The following PRCP variants were observed in gnomAD, a reference collection of about 807,000 sequenced individuals.
PRCP encodes lysosomal Pro-X carboxypeptidase.
PRCP carries 46 observed loss-of-function variants against 54.2 expected under a neutral mutation model. The observed-to-expected ratio is 0.85, with a 90% confidence interval of 0.67 to 1.09. PRCP has a LOEUF of 1.09. Ranked by LOEUF, PRCP falls within the 50% of genes least tolerant of loss-of-function variation. PRCP has a pLI of 0.00. For missense variants in PRCP, 613 were observed against 596.8 expected, an observed-to-expected ratio of 1.03 and a Z score of -0.28; for synonymous variants, 240 against 212.2, an observed-to-expected ratio of 1.13 and a Z score of -1.14.
At chr11:82,878,033 T>G (rs572661155) in intron 1 of PRCP, among the ~76,000 whole-genome samples, 3 of 152,318 alleles carry the variant, frequency 2.0e-5, no homozygotes, top group Non-Finnish European at 2.9e-5. Context: ...GTGACCTGGA[T>G]GTGAGACCTG....
At position 82,833,982 on chromosome 11, in the gene PRCP, C is replaced by G. The variant is rs79221664; in HGVS notation, c.1274+4405G>C. 1.8e-3 allele frequency among the ~76,000 whole-genome samples: 275 copies of G among 152,220 alleles called. 2 individuals carry two copies. Among genetic ancestry groups the G allele is most frequent in the African/African-American group, 6.3e-3 (263 of 41,534 alleles). ...TGATAATAGTAATGATGATGATGAT[C>G]ATCATCATCGCTTTGACAATCTGAG... is the stretch of plus-strand genomic sequence containing the variant. On this transcript the variant is annotated intron_variant, in intron 8 of 8. Coordinates refer to ENST00000313010, the MANE Select transcript of PRCP (RefSeq NM_005040.4).
At chr11:82,846,647 C>T (rs1286694795) in intron 6 of PRCP, among the ~76,000 whole-genome samples, 4 of 152,080 alleles carry the variant, frequency 2.6e-5, no homozygotes, top group Non-Finnish European at 4.4e-5. Context: ...TAAAAATAAA[C>T]TTTTATAATG....
chr11:82,856,366 A>G lies in PRCP; in HGVS notation c.310-3088T>C, dbSNP rs559844479. On this transcript the variant is annotated intron_variant, in intron 2 of 8. Coordinates refer to ENST00000313010, the MANE Select transcript of PRCP (RefSeq NM_005040.4). ...AAAAGAACAAAATAATATCCTTTGCAGTAACATGGATGTAGCTGGAGGCCA... is the reference window on the plus strand; with the variant it reads ...AAAAGAACAAAATAATATCCTTTGCGGTAACATGGATGTAGCTGGAGGCCA... Among the ~76,000 whole-genome samples the G allele has an allele frequency of 3.3e-5, 5 of 152,322 alleles. No individual in the cohort carries two copies. In the South Asian group the frequency reaches 1.0e-3, roughly 32 times the overall value.
At chr11:82,871,177 CTTT>C (rs146234682) in intron 1 of PRCP, among the ~76,000 whole-genome samples, 2 of 117,398 alleles carry the variant, frequency 1.7e-5, no homozygotes, top group Non-Finnish European at 1.7e-5. Context: ...AAATGTTTCT[CTTT>C]TTTTTTTTTT....
At chr11:82,900,737 C>G (rs1277396449), upstream of PRCP, 1 of 506,734 alleles carries the variant, frequency 2.0e-6, no homozygotes, top group Non-Finnish European at 3.8e-6. Flanking sequence ...TTATCTATAG[C>G]GCCCCCGAAG....
chr11:82,826,036 C>T (rs1426702258), intron 8 of PRCP: 1 of 152,200 alleles, frequency 6.6e-6, no homozygotes, highest in African/African-American at 2.4e-5. Flanking sequence ...TTAGTATACT[C>T]AGAGTTGTGC....
intron 7 of PRCP, among the ~76,000 whole-genome samples, chr11:82,839,007 G>T (rs1264862559): frequency 6.6e-6 from 1 of 152,114 alleles, no homozygotes; most frequent in African/African-American, 2.4e-5. Context: ...ATTTGATCAT[G>T]TACCATTTAT....
intron 1 of PRCP, among the ~76,000 whole-genome samples, chr11:82,874,006 A>G (rs1859539395): frequency 6.6e-6 from 1 of 152,230 alleles, no homozygotes; most frequent in Admixed American, 6.5e-5. Context: ...TATCTTAAAG[A>G]TACACTCTAC....
chr11:82,852,286 T>C (rs1344999632), intron 3 of PRCP, among the ~76,000 whole-genome samples: 1 of 152,210 alleles, frequency 6.6e-6, no homozygotes, highest in Non-Finnish European at 1.5e-5. Context: ...ATTGTATTTA[T>C]TTATAATATG....
chr11:82,901,095 C>A (rs1860279684), upstream of PRCP: 1 of 362,544 alleles, frequency 2.8e-6, no homozygotes, highest in Non-Finnish European at 5.4e-6. Flanking sequence ...ACCGCTGGGT[C>A]CAGGTCCAAA....
intron 8 of PRCP, among the ~76,000 whole-genome samples, chr11:82,834,516 TCTGG>T (rs1858469035): frequency 6.6e-6 from 1 of 152,228 alleles, no homozygotes; most frequent in Non-Finnish European, 1.5e-5. Context: ...CATTAAAGTG[TCTGG>T]CCTTTTATTT....
chr11:82,875,403 T>A (rs1351035523), intron 1 of PRCP, among the ~76,000 whole-genome samples: 1 of 152,226 alleles, frequency 6.6e-6, no homozygotes, highest in East Asian at 1.9e-4. Flanking sequence ...CCAGCAAGAC[T>A]GTTTTCTTTC....
At chr11:82,891,245 C>G (rs906971220) in intron 1 of PRCP, among the ~76,000 whole-genome samples, 2 of 152,122 alleles carry the variant, frequency 1.3e-5, no homozygotes, top group Admixed American at 6.5e-5. Context: ...ATCTCACAAC[C>G]TACATCTAAT....
intron 1 of PRCP, among the ~76,000 whole-genome samples, chr11:82,892,560 A>T (rs10792661): frequency 0.24 from 36,929 of 152,112 alleles, 4,982 homozygotes; most frequent in Admixed American, 0.3. Context: ...AAAAATCTAT[A>T]TATCAATTTT....
At chr11:82,887,026 C>T (rs1859876892) in intron 1 of PRCP, among the ~76,000 whole-genome samples, 1 of 152,232 alleles carries the variant, frequency 6.6e-6, no homozygotes, top group Non-Finnish European at 1.5e-5. Context: ...ACCCTCCCAT[C>T]TCAGTCTTAC....
At chr11:82,888,908 C>CTA (rs1006638665) in intron 1 of PRCP, among the ~76,000 whole-genome samples, 2 of 152,084 alleles carry the variant, frequency 1.3e-5, no homozygotes, top group African/African-American at 4.8e-5. Flanking sequence ...GTCACATGTG[C>CTA]TATGGAGGAG....
chr11:82,900,285 A>T lies in PRCP; in HGVS notation c.118T>A (p.Ser40Thr). Residue 40 changes from serine to threonine, a missense_variant, in exon 1 of 9, where the codon TCC (serine) becomes ACC (threonine). By Grantham distance (58) the Ser-to-Thr change is moderately conservative. Coordinates refer to ENST00000313010, the MANE Select transcript of PRCP (RefSeq NM_005040.4). ...TAGTTCTTGGCTACAGCCGGGAGGG[A>T]TGTGGGGTTGGTTGGCAAGTGTAGG... ...GSLHLPTNPT[S>T]LPAVAKNYSV... 6.2e-7 allele frequency: 1 copy of T among 1,614,166 alleles called. No homozygotes were observed. The highest frequency in any genetic ancestry group is 2.2e-5 in the East Asian group (1 of 44,880).
chr11:82,841,071 A>T, intron 6 of PRCP, among the ~76,000 whole-genome samples: 1 of 97,110 alleles, frequency 1.0e-5, no homozygotes, highest in African/African-American at 3.3e-5. Context: ...AGTCCTGACA[A>T]AAAAAAGACT....
At chr11:82,845,023 G>A (rs1276252404) in intron 6 of PRCP, among the ~76,000 whole-genome samples, 2 of 129,140 alleles carry the variant, frequency 1.5e-5, no homozygotes, top group Non-Finnish European at 3.2e-5. Context: ...AACATTAAAA[G>A]TATGTAATAG....
Sources: allele counts gnomAD v4.1 joint callset (sites outside exome capture counted in the v4.1 genomes callset), GRCh38; gene constraint gnomAD v4.1.1; transcripts MANE v1.5; gene names NCBI Gene and HGNC (gene_info 2026-07-23, HGNC 2026-07-21).